LRFN5: variants seen among roughly 807,000 people sequenced by gnomAD.
LRFN5 encodes the protein leucine rich repeat and fibronectin type III domain containing 5, also known as leucine-rich repeat and fibronectin type-III domain-containing protein 5.
In LRFN5, 24 loss-of-function variants were observed where a neutral mutation model predicts 45.6. The observed-to-expected ratio is 0.53, with a 90% CI of 0.38 to 0.74. The LOEUF (loss-of-function observed/expected upper bound fraction) is 0.74. LRFN5 is among the 30% of genes least tolerant of loss of function. The pLI is 0.00. For synonymous variants in LRFN5, 340 were observed against 313.8 expected, an observed-to-expected ratio of 1.08 and a Z score of -0.88; for missense variants, 776 against 861.5, an observed-to-expected ratio of 0.90 and a Z score of 1.24.
intron 1 of LRFN5, among the ~76,000 whole-genome samples, chr14:41,669,045 G>C (rs1881039802): frequency 6.6e-6 from 1 of 152,118 alleles, no homozygotes; most frequent in African/African-American, 2.4e-5. Context: ...TAATAGAAAT[G>C]TGTAATTTTG....
chr14:41,709,791 A>G (rs1184816198), intron 1 of LRFN5, among the ~76,000 whole-genome samples: 1 of 152,088 alleles, frequency 6.6e-6, no homozygotes, highest in South Asian at 2.1e-4. Flanking sequence ...TATTTTGTCA[A>G]TAGTAAAAAG....
intron 2 of LRFN5, among the ~76,000 whole-genome samples, chr14:41,800,544 T>C (rs1368682976): frequency 2.6e-5 from 4 of 151,734 alleles, no homozygotes; most frequent in Admixed American, 2.6e-4. Context: ...ACAAGTACAT[T>C]ATTAGACAGT....
At chr14:41,904,060 T>A in intron 5 of LRFN5, 98 bp from the exon 6 acceptor site, 1 of 1,032,176 alleles carries the variant, frequency 9.7e-7, no homozygotes, top group Non-Finnish European at 1.4e-6. Flanking sequence ...TACATTTAGT[T>A]ACTTTTAGAT....
chr14:41,861,462 G>A (rs985029938), intron 2 of LRFN5, among the ~76,000 whole-genome samples: 3 of 152,104 alleles, frequency 2.0e-5, no homozygotes, highest in African/African-American at 7.2e-5. Flanking sequence ...GTATTTTGAT[G>A]TTAAAATTGG....
chr14:41,663,389 G>T lies in LRFN5; in HGVS notation c.-197+54827G>T, dbSNP rs1045268368. 5.9e-5 allele frequency among the ~76,000 whole-genome samples: 9 copies of T among 152,116 alleles called. No homozygotes were observed. In the East Asian group the frequency reaches 1.7e-3, roughly 29 times the overall value. Reference sequence around the variant, plus strand: ...ACAGCTTAGCAAAAAGGACTTTGAGGTATAGAAAGAGCCTCACAGGACTGT... The same window carrying T: ...ACAGCTTAGCAAAAAGGACTTTGAGTTATAGAAAGAGCCTCACAGGACTGT... On this transcript the variant is annotated intron_variant, in intron 1 of 5. Transcript: ENST00000298119.
At chr14:41,756,491 G>C (rs10135551) in intron 1 of LRFN5, among the ~76,000 whole-genome samples, 146,487 of 152,262 alleles carry the variant, frequency 0.96, 70,511 homozygotes, top group East Asian at 1. Context: ...CTCTAAACTT[G>C]TCTTCTCGCT....
intron 1 of LRFN5, among the ~76,000 whole-genome samples, chr14:41,746,186 A>C (rs1316300087): frequency 1.3e-5 from 2 of 152,156 alleles, no homozygotes; most frequent in South Asian, 2.1e-4. Context: ...CCTAGAATGG[A>C]ATGATGGCTC....
chr14:41,904,101 TTTTC>T lies in LRFN5; in HGVS notation c.2143-46_2143-43del, dbSNP rs555883286. The stretch of plus-strand genomic sequence containing the variant: ...GCACAATGATCTTATTAGCTATGTG[TTTTC>T]TTTCTTTCTTCCTTTCTTTCTTTTT... On this transcript the variant is annotated intron_variant, in intron 5 of 5. Transcript: ENST00000298119. The T allele has an allele frequency of 4.7e-4, 662 of 1,417,320 alleles. 2 individuals carry two copies. In the African/African-American group the frequency reaches 5.9e-3, roughly 13 times the overall value. 87.8% of individuals were successfully genotyped at this position (1,417,320 alleles called of 1,614,324 possible). A position where few individuals can be genotyped will look rare whatever the true frequency, so the allele number is the denominator to read the frequency against.
At chr14:41,625,940 A>T (rs1224481737) in intron 1 of LRFN5, among the ~76,000 whole-genome samples, 1 of 152,132 alleles carries the variant, frequency 6.6e-6, no homozygotes, top group African/African-American at 2.4e-5. Flanking sequence ...TTACTTAAGC[A>T]TGGAAGCCAT....
At chr14:41,763,915 A>G (rs1029575895) in intron 1 of LRFN5, among the ~76,000 whole-genome samples, 3 of 152,198 alleles carry the variant, frequency 2.0e-5, no homozygotes, top group African/African-American at 7.2e-5. Flanking sequence ...ATATGTACAT[A>G]AACAATAACA....
chr14:41,743,639 G>A (rs1209366845), intron 1 of LRFN5, among the ~76,000 whole-genome samples: 1 of 152,058 alleles, frequency 6.6e-6, no homozygotes, highest in Non-Finnish European at 1.5e-5. Context: ...CAGTTAGTAG[G>A]AATATATCAT....
rs375380713 is a variant in LRFN5, at chr14:41,887,918, A to T, written c.1293A>T (p.Ala431=). 4.3e-5 allele frequency: 69 copies of T among 1,613,774 alleles called. No individual in the cohort carries two copies. Among genetic ancestry groups the T allele is most frequent in the Non-Finnish European group, 5.3e-5 (63 of 1,179,826 alleles). Reference sequence around the variant, plus strand: ...TGGCAGAAGCTACATCATCAACGGCACTACTTAAATTTAATTTTCAAAGAA... The same window carrying T: ...TGGCAGAAGCTACATCATCAACGGCTCTACTTAAATTTAATTTTCAAAGAA... The part of the protein sequence containing the change: ...IVVAEATSST[A]LLKFNFQRNI... Residue 431 remains alanine (A), a synonymous_variant, in exon 3 of 6, where the codon GCA becomes GCT. Coordinates refer to ENST00000298119, the MANE Select transcript of LRFN5 (RefSeq NM_152447.5). The surrounding 1 kb of genome is among the most constrained non-coding windows in gnomAD (Gnocchi z 4.8).
chr14:41,620,661 G>T (rs561844129), intron 1 of LRFN5, among the ~76,000 whole-genome samples: 1 of 151,966 alleles, frequency 6.6e-6, no homozygotes, highest in South Asian at 2.1e-4. Flanking sequence ...AGCTATGTGA[G>T]TATATGACTA....
At chr14:41,744,737 G>A (rs1347908449) in intron 1 of LRFN5, among the ~76,000 whole-genome samples, 1 of 151,852 alleles carries the variant, frequency 6.6e-6, no homozygotes, top group Admixed American at 6.6e-5. Flanking sequence ...ATAAAGCTGG[G>A]GTAGCTATAG....
intron 2 of LRFN5, among the ~76,000 whole-genome samples, chr14:41,859,282 A>G (rs768574410): frequency 7.2e-5 from 11 of 152,188 alleles, no homozygotes; most frequent in Non-Finnish European, 1.0e-4. Flanking sequence ...CTAATTTGAC[A>G]TAGAGAGCAA....
intron 2 of LRFN5, among the ~76,000 whole-genome samples, chr14:41,795,958 G>A (rs1468162195): frequency 1.3e-5 from 2 of 151,512 alleles, no homozygotes; most frequent in Non-Finnish European, 2.9e-5. Context: ...CTCTGTCATC[G>A]GATTTGTATT....
intron 1 of LRFN5, among the ~76,000 whole-genome samples, chr14:41,735,044 G>A (rs1018309139): frequency 2.0e-5 from 3 of 151,700 alleles, no homozygotes; most frequent in Admixed American, 6.6e-5. Context: ...AACCATCATC[G>A]TAAATATTTG....
intron 2 of LRFN5, among the ~76,000 whole-genome samples, chr14:41,767,850 T>C (rs1454782163): frequency 6.6e-6 from 1 of 152,238 alleles, no homozygotes; most frequent in Non-Finnish European, 1.5e-5. Context: ...GTTCGGACTT[T>C]CCTGGTTCAT....
intron 1 of LRFN5, among the ~76,000 whole-genome samples, chr14:41,629,276 A>G (rs916605653): frequency 1.8e-4 from 28 of 152,170 alleles, no homozygotes; most frequent in African/African-American, 6.3e-4. Context: ...GTATTGCGCC[A>G]TCAGATAATT....
Sources: gnomAD v4.1 joint callset for allele counts (sites outside exome capture counted in the v4.1 genomes callset) on GRCh38, gnomAD v4.1.1 for gene constraint, Gnocchi (gnomAD v3.1) non-coding constraint, MANE v1.5 for transcripts, NCBI Gene and HGNC (gene_info 2026-07-23, HGNC 2026-07-21) for gene names.